The following CSMD3 variants were observed in gnomAD, a reference collection of about 807,000 sequenced individuals.
CSMD3 encodes the protein CUB and Sushi multiple domains 3.
Under a neutral mutation model 435.2 loss-of-function variants are expected in CSMD3, and 177 were observed. The observed-to-expected ratio is 0.41, with a 90% CI of 0.36 to 0.46. CSMD3 has a LOEUF of 0.46. Among genes scored for constraint, CSMD3 ranks in the 20% least tolerant of loss-of-function variants. The pLI is 0.34. For synonymous variants in CSMD3, 1,656 were observed against 1,520.5 expected, an observed-to-expected ratio of 1.09 and a Z score of -2.07; for missense variants, 4,265 against 4,504.6, an observed-to-expected ratio of 0.95 and a Z score of 1.52.
intron 32 of CSMD3, among the ~76,000 whole-genome samples, chr8:112,410,181 GT>G (rs1159134669): frequency 6.6e-6 from 1 of 151,742 alleles, no homozygotes; most frequent in Non-Finnish European, 1.5e-5. Flanking sequence ...GCTATATGTA[GT>G]TTTTAGGCCT....
chr8:112,491,128 T>C (rs1437119764), intron 31 of CSMD3, among the ~76,000 whole-genome samples: 1 of 152,104 alleles, frequency 6.6e-6, no homozygotes, highest in East Asian at 1.9e-4. Flanking sequence ...AGTCAGAAAT[T>C]GGGCACATGT....
intron 31 of CSMD3, among the ~76,000 whole-genome samples, chr8:112,485,940 C>CTTTT (rs549602181): frequency 0.017 from 2,312 of 139,098 alleles, 56 homozygotes; most frequent in African/African-American, 0.058. Context: ...TGACTTAAAT[C>CTTTT]TTTTTTTTTT....
intron 42 of CSMD3, among the ~76,000 whole-genome samples, chr8:112,340,865 C>T (rs1480047055): frequency 2.0e-5 from 3 of 151,946 alleles, no homozygotes; most frequent in African/African-American, 2.4e-5. Flanking sequence ...AGAGCAAGGC[C>T]GAGGCCACAT....
At chr8:112,667,530 G>T (rs1237738966) in intron 16 of CSMD3, among the ~76,000 whole-genome samples, 1 of 151,900 alleles carries the variant, frequency 6.6e-6, no homozygotes, top group Non-Finnish European at 1.5e-5. Context: ...CGGATACAGT[G>T]ATTTTTTTTT....
Position 112,408,371 on chromosome 8 carries a change from C to G in CSMD3, c.5552G>C (p.Arg1851Pro), listed in dbSNP as rs758681135. The G allele has an allele frequency of 6.2e-7, 1 of 1,611,666 alleles. No homozygotes were observed. The highest frequency in any genetic ancestry group is 8.5e-7 in the Non-Finnish European group (1 of 1,178,430). ...TGTTATTGGTCCAACTGAAGTAAAT[C>G]GAATTGTGATCTGATTACCTGAACT... ...PLSSGNQITI[R>P]FTSVGPITAK... is the part of the protein sequence containing the mutation. The change falls in exon 34 of 71, where the codon CGA (arginine) becomes CCA (proline). Residue 1851 changes from arginine to proline, a missense_variant. Arg to Pro is a moderately radical substitution (Grantham distance 103). Coordinates refer to ENST00000297405, the MANE Select transcript of CSMD3 (RefSeq NM_198123.2).
chr8:113,168,238 G>C (rs1175332196), intron 4 of CSMD3, among the ~76,000 whole-genome samples: 1 of 151,960 alleles, frequency 6.6e-6, no homozygotes, highest in Non-Finnish European at 1.5e-5. Context: ...AAAAACTACA[G>C]ATTTTAGACT....
At chr8:112,271,432 G>T (rs1817524650) in intron 59 of CSMD3, among the ~76,000 whole-genome samples, 1 of 152,104 alleles carries the variant, frequency 6.6e-6, no homozygotes, top group African/African-American at 2.4e-5. Context: ...TATCACCAAT[G>T]TTCTACTTAT....
At position 112,815,980 on chromosome 8, in the gene CSMD3, C is replaced by G. The variant is rs543926764; in HGVS notation, c.1859+13706G>C. Among the ~76,000 whole-genome samples, 4 of 152,218 alleles carry G rather than the reference C, an allele frequency of 2.6e-5. No homozygotes were observed. In the South Asian group the frequency reaches 8.3e-4, roughly 32 times the overall value. ...TGGATAACTACATGTGAAATCTCAT[C>G]CACATGATGAGAAAACTGCTCCCAT... On this transcript the variant is annotated intron_variant, in intron 12 of 70. Coordinates refer to ENST00000297405, the MANE Select transcript of CSMD3 (RefSeq NM_198123.2).
intron 2 of CSMD3, among the ~76,000 whole-genome samples, chr8:113,282,753 C>G (rs1484701962): frequency 6.6e-6 from 1 of 151,938 alleles, no homozygotes; most frequent in African/African-American, 2.4e-5. Context: ...TCATATGGAA[C>G]CAAAAAAGAG....
At chr8:112,890,706 C>T (rs1037849335) in intron 10 of CSMD3, among the ~76,000 whole-genome samples, 5 of 151,682 alleles carry the variant, frequency 3.3e-5, no homozygotes, top group Admixed American at 6.6e-5. Context: ...CACTAATATG[C>T]GACTTTCATA....
At chr8:112,369,151 A>G (rs2131165002) in intron 38 of CSMD3, among the ~76,000 whole-genome samples, 1 of 152,258 alleles carries the variant, frequency 6.6e-6, no homozygotes, top group Non-Finnish European at 1.5e-5. Context: ...AGACAAGTCA[A>G]TGTGAGCCTC....
In CSMD3 at chr8:112,265,498, G is replaced by A. The variant is rs1338383906; in HGVS notation, c.9601C>T (p.Pro3201Ser). Residue 3201 changes from proline to serine, a missense_variant, in exon 60 of 71, where the codon CCA becomes TCA. Pro to Ser is a moderately conservative substitution (Grantham distance 74). This residue lies in a region of CSMD3 where 3,255 missense variants were observed against 3,380.2 expected (regional missense o/e 0.96). Coordinates refer to ENST00000297405, the MANE Select transcript of CSMD3 (RefSeq NM_198123.2). ...VGQNVSYMCQPGYTMELNGSR... is the reference protein window; with the variant it reads ...VGQNVSYMCQSGYTMELNGSR... ...CCATTCAATTCCATCGTGTAGCCTG[G>A]CTGGCACATGTAAGAAACATTTTGT... The A allele has an allele frequency of 6.2e-7, 1 of 1,613,340 alleles. No individual in the cohort carries two copies. Among genetic ancestry groups the A allele is most frequent in the Non-Finnish European group, 8.5e-7 (1 of 1,179,462 alleles).
chr8:113,191,449 G>A (rs2092583428), intron 3 of CSMD3, among the ~76,000 whole-genome samples: 2 of 151,074 alleles, frequency 1.3e-5, no homozygotes, highest in Admixed American at 6.6e-5. Context: ...TTATATCCAC[G>A]TCTATTCAGT....
intron 8 of CSMD3, among the ~76,000 whole-genome samples, chr8:112,950,744 T>C (rs947862796): frequency 2.0e-5 from 3 of 151,964 alleles, no homozygotes; most frequent in Non-Finnish European, 2.9e-5. Context: ...GGAATCTATA[T>C]TTAAACTCAG....
chr8:112,679,361 T>C (rs1429419434), intron 16 of CSMD3, among the ~76,000 whole-genome samples: 1 of 152,118 alleles, frequency 6.6e-6, no homozygotes, highest in Non-Finnish European at 1.5e-5. Context: ...CCCACTCCAG[T>C]TCTGCCTTCC....
At chr8:112,838,281 G>A (rs898960996) in intron 11 of CSMD3, among the ~76,000 whole-genome samples, 1 of 151,788 alleles carries the variant, frequency 6.6e-6, no homozygotes, top group African/African-American at 2.4e-5. Context: ...AAAGTGATGA[G>A]AAGGAACACT....
At chr8:112,641,924 G>T (rs1252513568) in intron 20 of CSMD3, among the ~76,000 whole-genome samples, 1 of 152,098 alleles carries the variant, frequency 6.6e-6, no homozygotes, top group African/African-American at 2.4e-5. Context: ...GTTTGTGATG[G>T]TGAGGACCTA....
At chr8:112,985,560 A>G (rs1023057549) in intron 6 of CSMD3, among the ~76,000 whole-genome samples, 12 of 152,152 alleles carry the variant, frequency 7.9e-5, no homozygotes, top group Non-Finnish European at 8.8e-5. Context: ...CAGGCCACGG[A>G]CTGGTACCAG....
intron 40 of CSMD3, among the ~76,000 whole-genome samples, chr8:112,347,025 T>G (rs1825745040): frequency 6.6e-6 from 1 of 152,064 alleles, no homozygotes; most frequent in Non-Finnish European, 1.5e-5. Flanking sequence ...GTTCACATAT[T>G]ACACATTAGA....
Sources: gnomAD v4.1 joint callset for allele counts (sites outside exome capture counted in the v4.1 genomes callset) on GRCh38, gnomAD v4.1.1 for gene constraint, gnomAD v4.1.1 regional missense constraint, MANE v1.5 for transcripts, NCBI Gene and HGNC (gene_info 2026-07-23, HGNC 2026-07-21) for gene names.